FANCA: variants seen among roughly 807,000 people sequenced by gnomAD.
FANCA encodes FA complementation group A.
A neutral mutation model predicts 194.3 loss-of-function variants in FANCA; 236 were observed. That is an observed-to-expected ratio of 1.21 (90% CI 1.09 to 1.35). The LOEUF is 1.35. Among genes scored for constraint, FANCA ranks in the 40% most tolerant of loss-of-function variants. The probability of loss-of-function intolerance (pLI) is 0.00; values close to 1 mark genes in which losing one functional copy is unlikely to be tolerated. For synonymous variants in FANCA, 1,014 were observed against 715.8 expected, an observed-to-expected ratio of 1.42 and a Z score of -6.65; for missense variants, 2,628 against 1,813.9, an observed-to-expected ratio of 1.45 and a Z score of -8.15.
chr16:89,792,455 T>C lies in FANCA; in HGVS notation c.1083+16A>G. The C allele has an allele frequency of 1.2e-6, 2 of 1,612,222 alleles. No individual in the cohort carries two copies. The highest frequency in any genetic ancestry group is 2.2e-5 in the East Asian group (1 of 44,870). ...GCCACGAGCTCAGAAGCAGGTATAATACCACATCCACTCACCCTGCGGTAC... is the reference window on the plus strand; with the variant it reads ...GCCACGAGCTCAGAAGCAGGTATAACACCACATCCACTCACCCTGCGGTAC... On this transcript the variant is annotated intron_variant, in intron 12 of 42. Coordinates refer to ENST00000389301, the MANE Select transcript of FANCA (RefSeq NM_000135.4).
intron 20 of FANCA, among the ~76,000 whole-genome samples, chr16:89,776,679 A>T (rs998082543): frequency 4.6e-5 from 7 of 151,552 alleles, no homozygotes; most frequent in Non-Finnish European, 7.4e-5. Context: ...TACAAAAACA[A>T]AATTAGCCGG....
intron 37 of FANCA, 51 bp from the exon 38 acceptor site, chr16:89,740,917 C>T: frequency 1.3e-6 from 2 of 1,491,430 alleles, no homozygotes; most frequent in Middle Eastern, 1.7e-4. Context: ...CCTGTGCTGT[C>T]ATTCTAAATA....
chr16:89,767,089 G>A (rs377381234), intron 27 of FANCA, 52 bp downstream of exon 27: 103 of 1,440,218 alleles, frequency 7.2e-5, no homozygotes, highest in East Asian at 1.1e-4. Context: ...CGAAAGCTGC[G>A]TAAACCTGAA....
Position 89,783,050 on chromosome 16 carries a change from G to C in FANCA, c.1523C>G (p.Thr508Arg). The change falls in exon 16 of 43, where the codon ACA (threonine) becomes AGA (arginine). Residue 508 changes from threonine to arginine, a missense_variant. By Grantham distance (71) the Thr-to-Arg change is moderately conservative. Transcript: ENST00000389301. ...LVPGKYRSLL[T>R]DYISLAKTRL... Reference sequence around the variant, plus strand: ...TGTCTTGGCCAATGAGATGTAGTCTGTGAGGAGGGAGCGGTACTTGCCGGG... The same window carrying C: ...TGTCTTGGCCAATGAGATGTAGTCTCTGAGGAGGGAGCGGTACTTGCCGGG... 1.2e-6 allele frequency: 2 copies of C among 1,614,010 alleles called. No individual in the cohort carries two copies. Among genetic ancestry groups the C allele is most frequent in the Non-Finnish European group, 8.5e-7 (1 of 1,179,922 alleles).
chr16:89,814,531 C>T lies in FANCA; in HGVS notation c.272G>A (p.Ser91Asn), dbSNP rs2041024397. The change falls in exon 3 of 43, where the codon AGT becomes AAT. Residue 91 changes from serine to asparagine, a missense_variant. Transcript: ENST00000389301. ...AAGCTATAACTTACCTATAAATGAA[C>T]TAGAATGATTAGCATAGGCCTCAGA... ...DSSEAYANHS[S>N]SFIGSALQDQ... The T allele has an allele frequency of 1.9e-6, 3 of 1,611,948 alleles. No homozygotes were observed. Among genetic ancestry groups the T allele is most frequent in the Non-Finnish European group, 2.5e-6 (3 of 1,178,038 alleles).
intron 31 of FANCA, among the ~76,000 whole-genome samples, chr16:89,751,621 A>C (rs1325854965): frequency 6.6e-6 from 1 of 152,062 alleles, no homozygotes; most frequent in African/African-American, 2.4e-5. Context: ...GGCACAGAAG[A>C]CGCACGGGTG....
chr16:89,795,060 G>A (rs2040197219), intron 11 of FANCA, among the ~76,000 whole-genome samples: 3 of 152,122 alleles, frequency 2.0e-5, no homozygotes, highest in East Asian at 1.9e-4. Context: ...CGAGACGGGC[G>A]GATTACCTGA....
chr16:89,798,682 G>A (rs2040331476), intron 10 of FANCA: 2 of 1,283,172 alleles, frequency 1.6e-6, no homozygotes, highest in African/African-American at 1.5e-5. Context: ...ACAGAGCCAT[G>A]GAGAGAAAAA....
chr16:89,747,227 G>C (rs1453974066), intron 33 of FANCA, among the ~76,000 whole-genome samples: 14 of 152,190 alleles, frequency 9.2e-5, no homozygotes. Context: ...TAATACCAAG[G>C]GCCAACCATC....
At chr16:89,799,481 C>A in intron 9 of FANCA, 124 bp downstream of exon 9, 1 of 1,062,024 alleles carries the variant, frequency 9.4e-7, no homozygotes. Context: ...ATTCCAGTAC[C>A]AGGACTCTGC....
intron 8 of FANCA, 108 bp downstream of exon 8, chr16:89,803,151 A>C: frequency 9.2e-7 from 1 of 1,086,450 alleles, no homozygotes; most frequent in Non-Finnish European, 1.4e-6. Context: ...GTACCCCGTA[A>C]ATAGGTACAA....
Position 89,737,811 on chromosome 16 carries a change from C to T in FANCA, c.*790G>A, listed in dbSNP as rs765066482. The T allele has an allele frequency of 9.3e-6, 15 of 1,614,046 alleles. No homozygotes were observed. The highest frequency in any genetic ancestry group is 3.3e-5 in the Admixed American group (2 of 60,002). On this transcript the variant is annotated 3_prime_UTR_variant, in exon 43 of 43. Transcript: ENST00000389301. ...ACTGGACTCTCCCCTCTCAGAGGTGCGGAACTATATCTGTGACGAATGTGG... is the reference window on the plus strand; with the variant it reads ...ACTGGACTCTCCCCTCTCAGAGGTGTGGAACTATATCTGTGACGAATGTGG...
intron 28 of FANCA, 170 bp downstream of exon 28, chr16:89,764,720 C>A (rs2039065052): frequency 2.5e-6 from 2 of 808,998 alleles, no homozygotes; most frequent in African/African-American, 3.3e-5. Flanking sequence ...GCACACGCAC[C>A]CTAGACTCGA....
chr16:89,806,448 A>C (rs1206814080), intron 6 of FANCA, among the ~76,000 whole-genome samples: 1 of 150,678 alleles, frequency 6.6e-6, no homozygotes, highest in Admixed American at 6.6e-5. Flanking sequence ...GTCAGCAGAT[A>C]AACAAGTGAA....
At chr16:89,807,378 CG>C (rs965578754) in intron 6 of FANCA, among the ~76,000 whole-genome samples, 7 of 151,140 alleles carry the variant, frequency 4.6e-5, no homozygotes, top group Admixed American at 1.3e-4. Flanking sequence ...TGCTTGAATC[CG>C]GGAAGCGGAG....
intron 24 of FANCA, 39 bp downstream of exon 24, chr16:89,770,525 G>A (rs750961042): frequency 6.4e-7 from 1 of 1,556,912 alleles, no homozygotes; most frequent in Non-Finnish European, 8.7e-7. Flanking sequence ...GTGGCACCCA[G>A]AGGAGCCCCA....
chr16:89,759,935 C>A (rs117842744), intron 29 of FANCA, among the ~76,000 whole-genome samples: 1 of 151,120 alleles, frequency 6.6e-6, no homozygotes, highest in Non-Finnish European at 1.5e-5. Context: ...TGTGCGGGAC[C>A]TGGGTGCTCC....
chr16:89,773,773 CTTT>C (rs552737101), intron 21 of FANCA, among the ~76,000 whole-genome samples: 5 of 135,500 alleles, frequency 3.7e-5, no homozygotes, highest in Admixed American at 7.5e-5. Context: ...GTTCCTCAAA[CTTT>C]TTTTTTTTTT....
intron 3 of FANCA, among the ~76,000 whole-genome samples, chr16:89,812,841 T>C (rs2040951035): frequency 6.6e-6 from 1 of 151,408 alleles, no homozygotes; most frequent in South Asian, 2.1e-4. Flanking sequence ...GAGACCAGCC[T>C]GGCCAAGATG....
Sources: gnomAD v4.1 joint callset for allele counts (sites outside exome capture counted in the v4.1 genomes callset) on GRCh38, gnomAD v4.1.1 for gene constraint, MANE v1.5 for transcripts, NCBI Gene and HGNC (gene_info 2026-07-23, HGNC 2026-07-21) for gene names.